GAREM2: variants seen among roughly 807,000 people sequenced by gnomAD.
The protein encoded by GAREM2 is GRB2-associated and regulator of MAPK protein 2.
GAREM2 carries 30 observed loss-of-function variants against 55.6 expected under a neutral mutation model. The ratio of observed to expected loss-of-function variants is 0.54; its 90% CI spans 0.40 to 0.73. The LOEUF (loss-of-function observed/expected upper bound fraction) is 0.73, where lower values mean the gene tolerates loss of function less well. Among genes scored for constraint, GAREM2 ranks in the 30% least tolerant of loss-of-function variants. The pLI is 0.00. For synonymous variants in GAREM2, 550 were observed against 569.1 expected (o/e 0.97, Z 0.48); for missense variants, 1,075 against 1,257.7 (o/e 0.85, Z 2.20).
At chr2:26,202,503 G>A in the GAREM2 span, among the ~76,000 whole-genome samples, 2 of 152,218 alleles carry the variant, frequency 1.3e-5, no homozygotes, top group Non-Finnish European at 2.9e-5. Flanking sequence ...CACTTTGGGA[G>A]GCTGCAGCAG....
chr2:26,191,364 G>C (rs1169953238), downstream of GAREM2: 1 of 1,614,004 alleles, frequency 6.2e-7, no homozygotes, highest in African/African-American at 1.3e-5. Flanking sequence ...CTATCTTCTG[G>C]GCGCCATACA....
At chr2:26,177,763 A>T (rs908659298) in intron 2 of GAREM2, among the ~76,000 whole-genome samples, 3 of 152,000 alleles carry the variant, frequency 2.0e-5, no homozygotes, top group African/African-American at 7.3e-5. Flanking sequence ...AGTAGCTGGG[A>T]TTACAGGTGC....
Position 26,184,809 on chromosome 2 carries a change from A to G in GAREM2, c.961A>G (p.Thr321Ala). ...GCTGCACTTCCTGCTGCTCACGGAC[A>G]CGCCGCGCTTCGCGCTGCCGCAGGG... is the stretch of plus-strand genomic sequence containing the variant. Reference protein sequence around the residue: ...APLHFLLLTDTPRFALPQGLL... With the variant: ...APLHFLLLTDAPRFALPQGLL... The change falls in exon 4 of 6, where the codon ACG (threonine) becomes GCG (alanine). Residue 321 changes from threonine to alanine, a missense_variant. Physicochemically the swap from Thr to Ala is moderately conservative, Grantham distance 58 (BLOSUM62 0). Transcript: ENST00000401533. 1.3e-6 allele frequency: 2 copies of G among 1,490,924 alleles called. No individual in the cohort carries two copies. The highest frequency in any genetic ancestry group is 1.3e-5 in the South Asian group (1 of 79,330). 92.4% of individuals were successfully genotyped at this position (1,490,924 alleles called of 1,614,324 possible).
downstream of GAREM2, chr2:26,191,357 T>A (rs1669492430): frequency 1.2e-6 from 2 of 1,614,028 alleles, no homozygotes; most frequent in Non-Finnish European, 1.7e-6. Flanking sequence ...CGGTCCACTA[T>A]CTTCTGGGCG....
chr2:26,182,615 C>A, intron 2 of GAREM2: 1 of 927,160 alleles, frequency 1.1e-6, no homozygotes. Flanking sequence ...GCCAGCATCC[C>A]GGTACCACAC....
chr2:26,184,388 G>A lies in GAREM2; in HGVS notation c.540G>A (p.Arg180=). 6.5e-7 allele frequency: 1 copy of A among 1,531,098 alleles called. No homozygotes were observed. The highest frequency in any genetic ancestry group is 1.4e-5 in the African/African-American group (1 of 71,286). 94.8% of individuals were successfully genotyped at this position (1,531,098 alleles called of 1,614,324 possible). A position where few individuals can be genotyped will look rare whatever the true frequency, so the allele number is the denominator to read the frequency against. Residue 180 remains arginine (R), a synonymous_variant, in exon 4 of 6, where the codon CGG becomes CGA. Coordinates refer to ENST00000401533, the MANE Select transcript of GAREM2 (RefSeq NM_001168241.2). Reference sequence around the variant, plus strand: ...CCACCCTCCTGCGAAAGCTGGGCCGGGCCGGGGCGCTGGCCGGGGTGGGCG... The same window carrying A: ...CCACCCTCCTGCGAAAGCTGGGCCGAGCCGGGGCGCTGGCCGGGGTGGGCG... ...RFTTLLRKLG[R]AGALAGVGGG... is the part of the protein sequence containing the mutation.
In GAREM2 at chr2:26,176,501, C is replaced by T. The variant is rs779332966; in HGVS notation, c.253+17C>T. On this transcript the variant is annotated intron_variant, in intron 2 of 5. Transcript: ENST00000401533. ...AGTACCCAGGTGTGTCCAGCCAGGA[C>T]AGATGTCATAAAGCCTGTAGGGGGG... 21 of 1,520,996 alleles carry T rather than the reference C, an allele frequency of 1.4e-5. No homozygotes were observed. The East Asian group carries it at 3.0e-4, about 22-fold the overall frequency. 94.2% of individuals were successfully genotyped at this position (1,520,996 alleles called of 1,614,324 possible).
At chr2:26,194,624 G>A, downstream of GAREM2, 2 of 1,609,736 alleles carry the variant, frequency 1.2e-6, no homozygotes, top group Non-Finnish European at 1.7e-6. Context: ...TGGTAGTATA[G>A]AAGCCAGGTC....
intron 2 of GAREM2, chr2:26,182,423 G>T (rs1381421184): frequency 6.5e-7 from 1 of 1,550,246 alleles, no homozygotes. Context: ...GCTGGGCCAG[G>T]CCCTGGTTGG....
intron 2 of GAREM2, 116 bp downstream of exon 2, chr2:26,176,600 T>A: frequency 2.0e-6 from 2 of 1,019,716 alleles, no homozygotes; most frequent in Non-Finnish European, 2.6e-6. Flanking sequence ...GGGTTAGGGT[T>A]GGAGTCAGAG....
chr2:26,191,626 G>A, downstream of GAREM2: 1 of 1,614,044 alleles, frequency 6.2e-7, no homozygotes, highest in South Asian at 1.1e-5. Context: ...TTCGTCTGAT[G>A]AGCTGCCAAC....
chr2:26,192,424 C>T, downstream of GAREM2: 1 of 1,489,686 alleles, frequency 6.7e-7, no homozygotes, highest in Non-Finnish European at 9.4e-7. Context: ...AGATTTACGA[C>T]CTAAAACAGG....
chr2:26,177,725 C>T (rs1668907847), intron 2 of GAREM2, among the ~76,000 whole-genome samples: 1 of 152,098 alleles, frequency 6.6e-6, no homozygotes, highest in South Asian at 2.1e-4. Context: ...CTCCGAGGTT[C>T]AAGGGATTCT....
chr2:26,195,310 A>G, the GAREM2 span: 1 of 1,210,576 alleles, frequency 8.3e-7, no homozygotes, highest in Non-Finnish European at 1.2e-6. Flanking sequence ...CTGCTAGGAA[A>G]ACACTAGAAA....
chr2:26,195,119 C>T, the GAREM2 span: 2 of 1,613,548 alleles, frequency 1.2e-6, no homozygotes, highest in Admixed American at 1.7e-5. Context: ...CCTTCCCCTG[C>T]TTGAGACCAA....
Position 26,187,567 on chromosome 2 carries a change from C to G in GAREM2, c.1935C>G (p.Ala645=), listed in dbSNP as rs1464483543. The G allele has an allele frequency of 6.5e-7, 1 of 1,545,762 alleles. No homozygotes were observed. The highest frequency in any genetic ancestry group is 1.4e-5 in the African/African-American group (1 of 72,994). ...CCTACCCCTCAGGCCCTTCAGCGGC[C>G]TTGTCTTCTGGGCCCAGAACCACCT... ...GPAYPSGPSA[A]LSSGPRTTSG... is the part of the protein sequence containing the mutation. Residue 645 remains alanine, a synonymous_variant, in exon 6 of 6, where the codon GCC becomes GCG. Transcript: ENST00000401533.
intron 3 of GAREM2, among the ~76,000 whole-genome samples, chr2:26,183,347 G>GCACCC: frequency 6.6e-6 from 1 of 152,254 alleles, no homozygotes; most frequent in Non-Finnish European, 1.5e-5. Context: ...CTGACTTGGA[G>GCACCC]ACTTTTCAGG....
rs764867918 is a variant in GAREM2 at position 26,176,354 on chromosome 2, C to G, written c.123C>G (p.Ala41=). ...CCTCCCCCTTCCCAGGGGAGTACGC[C>G]GAGGGCGTCAGTGAGCGAGACATCC... ...TLACLGPGEY[A]EGVSERDILL... is the part of the protein sequence containing the mutation. Residue 41 remains alanine, a synonymous_variant, in exon 2 of 6, where the codon GCC becomes GCG. Coordinates refer to ENST00000401533, the MANE Select transcript of GAREM2 (RefSeq NM_001168241.2). 1 of 1,544,604 alleles carries G rather than the reference C, an allele frequency of 6.5e-7. No individual in the cohort carries two copies. Among genetic ancestry groups the G allele is most frequent in the Non-Finnish European group, 8.7e-7 (1 of 1,142,996 alleles).
chr2:26,199,898 T>C, the GAREM2 span, among the ~76,000 whole-genome samples: 2 of 152,146 alleles, frequency 1.3e-5, no homozygotes, highest in Non-Finnish European at 2.9e-5. Flanking sequence ...TCCTGCGGAA[T>C]GCAGCCCAGG....
Sources: allele counts gnomAD v4.1 joint callset (sites outside exome capture counted in the v4.1 genomes callset), GRCh38; gene constraint gnomAD v4.1.1; transcripts MANE v1.5; gene names NCBI Gene and HGNC (gene_info 2026-07-23, HGNC 2026-07-21).